The following MPP7 variants were observed in gnomAD, a reference collection of about 807,000 sequenced individuals.
MPP7 encodes the protein MAGUK p55 scaffold protein 7, also known as MAGUK p55 subfamily member 7.
Under a neutral mutation model 76.5 loss-of-function variants are expected in MPP7, and 60 were observed. The ratio of observed to expected loss-of-function variants is 0.78; its 90% CI spans 0.64 to 0.97. MPP7 has a LOEUF of 0.97. Ranked by LOEUF, MPP7 falls within the 50% of genes least tolerant of loss-of-function variation. The pLI is 0.00. For synonymous variants in MPP7, 237 were observed against 244.5 expected, an observed-to-expected ratio of 0.97 and a Z score of 0.29; for missense variants, 641 against 694.0, an observed-to-expected ratio of 0.92 and a Z score of 0.86.
intron 3 of MPP7, among the ~76,000 whole-genome samples, chr10:28,193,016 G>A (rs1329511914): frequency 6.6e-6 from 1 of 152,186 alleles, no homozygotes; most frequent in South Asian, 2.1e-4. Context: ...GAAAAAGAAT[G>A]GTCTTTTCAA....
At chr10:28,055,280 T>C (rs1319988116) in intron 16 of MPP7, among the ~76,000 whole-genome samples, 2 of 152,152 alleles carry the variant, frequency 1.3e-5, no homozygotes, top group Non-Finnish European at 2.9e-5. Context: ...TAACTAACAT[T>C]GTATGACAGT....
At chr10:28,257,388 A>G (rs1163073606) in intron 1 of MPP7, among the ~76,000 whole-genome samples, 1 of 152,108 alleles carries the variant, frequency 6.6e-6, no homozygotes, top group Non-Finnish European at 1.5e-5. Flanking sequence ...TAAAACTCCC[A>G]AAGAAAACCT....
chr10:28,278,340 C>T (rs933891457), intron 1 of MPP7, among the ~76,000 whole-genome samples: 12 of 152,054 alleles, frequency 7.9e-5, no homozygotes, highest in African/African-American at 2.9e-4. Context: ...ATTGAGACAG[C>T]CTGCTAAATT....
intron 2 of MPP7, among the ~76,000 whole-genome samples, chr10:28,329,166 C>A (rs1045866392): frequency 3.3e-5 from 5 of 152,128 alleles, no homozygotes; most frequent in Non-Finnish European, 7.4e-5. Context: ...ATCAATATTT[C>A]AAAACATTGC....
intron 12 of MPP7, 133 bp downstream of exon 12, chr10:28,089,538 T>C: frequency 1.3e-6 from 1 of 779,898 alleles, no homozygotes. Flanking sequence ...AGATTTTGTT[T>C]CAGAGACAAG....
chr10:28,156,071 TCA>T (rs1836052235), intron 3 of MPP7, among the ~76,000 whole-genome samples: 1 of 152,232 alleles, frequency 6.6e-6, no homozygotes, highest in African/African-American at 2.4e-5. Flanking sequence ...TATAGTATTT[TCA>T]CAGTTTTAAA....
chr10:28,176,844 AGGACGG>A (rs1471942013), intron 3 of MPP7, among the ~76,000 whole-genome samples: 2 of 127,184 alleles, frequency 1.6e-5, no homozygotes, highest in Non-Finnish European at 3.2e-5. Context: ...ACTTGGACAC[AGGACGG>A]GGAACATCAC....
intron 12 of MPP7, among the ~76,000 whole-genome samples, chr10:28,082,318 A>G (rs1172988220): frequency 6.6e-6 from 1 of 152,132 alleles, no homozygotes; most frequent in Admixed American, 6.5e-5. Flanking sequence ...AAGCCTACTG[A>G]TATTTGAACA....
At chr10:28,271,999 T>G (rs1339094036) in intron 1 of MPP7, among the ~76,000 whole-genome samples, 27 of 151,706 alleles carry the variant, frequency 1.8e-4, no homozygotes, top group Admixed American at 1.8e-3. Context: ...AAAAAGATTC[T>G]GGGGCACTTA....
chr10:28,286,143 G>C (rs1589029321), intron 1 of MPP7, among the ~76,000 whole-genome samples: 1 of 152,030 alleles, frequency 6.6e-6, no homozygotes, highest in Admixed American at 6.6e-5. Context: ...AGGAGTTCGA[G>C]ACCATTTTGC....
chr10:28,117,215 G>A (rs771185178), intron 11 of MPP7, among the ~76,000 whole-genome samples: 2 of 151,988 alleles, frequency 1.3e-5, no homozygotes, highest in Non-Finnish European at 2.9e-5. Flanking sequence ...GGCTAATTTC[G>A]TAAATGGTAT....
chr10:28,087,536 CAG>C (rs1474118692), intron 12 of MPP7, among the ~76,000 whole-genome samples: 2 of 152,230 alleles, frequency 1.3e-5, no homozygotes, highest in African/African-American at 4.8e-5. Flanking sequence ...GCTGGGACTA[CAG>C]GCGCCTGCCA....
chr10:28,267,638 A>C, intron 1 of MPP7, among the ~76,000 whole-genome samples: 1 of 152,182 alleles, frequency 6.6e-6, no homozygotes, highest in Middle Eastern at 3.2e-3. Context: ...AGAAAAATAA[A>C]ATAAAATCCA....
intron 1 of MPP7, among the ~76,000 whole-genome samples, chr10:28,267,184 T>G (rs191986627): frequency 3.3e-4 from 50 of 152,310 alleles, no homozygotes; most frequent in African/African-American, 1.2e-3. Flanking sequence ...AATGGCAAAG[T>G]GGAATATTTG....
chr10:28,131,228 ATAACT>A (rs1205563799), intron 6 of MPP7, among the ~76,000 whole-genome samples: 8 of 152,232 alleles, frequency 5.3e-5, no homozygotes, highest in Non-Finnish European at 1.2e-4. Context: ...AGTATATAAA[ATAACT>A]TAAAGTTGCG....
chr10:28,098,007 C>T (rs933799216), intron 11 of MPP7, among the ~76,000 whole-genome samples: 1 of 152,088 alleles, frequency 6.6e-6, no homozygotes, highest in African/African-American at 2.4e-5. Flanking sequence ...AGCTATTTCT[C>T]GACATTGCAT....
At chr10:28,306,939 G>A (rs939648685), upstream of MPP7, among the ~76,000 whole-genome samples, 6 of 152,138 alleles carry the variant, frequency 3.9e-5, no homozygotes, top group African/African-American at 1.4e-4. Flanking sequence ...TGGCTCCTAT[G>A]TCCCAGTGTC....
intron 1 of MPP7, among the ~76,000 whole-genome samples, chr10:28,270,840 G>A (rs1026784050): frequency 2.6e-5 from 4 of 152,204 alleles, no homozygotes; most frequent in African/African-American, 9.6e-5. Flanking sequence ...TGAAGACCAC[G>A]GTTCTTTGAA....
intron 3 of MPP7, among the ~76,000 whole-genome samples, chr10:28,166,293 C>T (rs1005489322): frequency 6.6e-6 from 1 of 151,920 alleles, no homozygotes; most frequent in Non-Finnish European, 1.5e-5. Context: ...AAACCATCCA[C>T]TAGAATAGTA....
Sources: allele counts gnomAD v4.1 joint callset (sites outside exome capture counted in the v4.1 genomes callset), GRCh38; gene constraint gnomAD v4.1.1; transcripts MANE v1.5; gene names NCBI Gene and HGNC (gene_info 2026-07-23, HGNC 2026-07-21).